The following DPH1 variants were observed in gnomAD, a reference collection of about 807,000 sequenced individuals.
DPH1 encodes the protein diphthamide biosynthesis 1.
A neutral mutation model predicts 55.3 loss-of-function variants in DPH1; 59 were observed. That is an observed-to-expected ratio of 1.07 (90% CI 0.87 to 1.33). DPH1 has a LOEUF of 1.33. Ranked by LOEUF, DPH1 falls within the 40% of genes most tolerant of loss-of-function variation. The probability of loss-of-function intolerance (pLI) is 0.00; values close to 1 mark genes in which losing one functional copy is unlikely to be tolerated. For missense variants in DPH1, 628 were observed against 584.8 expected (o/e 1.07, Z -0.76); for synonymous variants, 238 against 235.5 (o/e 1.01, Z -0.10).
At chr17:2,039,845 G>A in intron 7 of DPH1, 22 bp downstream of exon 7, 1 of 1,613,896 alleles carries the variant, frequency 6.2e-7, no homozygotes, top group South Asian at 1.1e-5. Context: ...GCCGGGCTGG[G>A]CTGACCAGCT....
In DPH1 at chr17:2,036,689, G is replaced by T; in HGVS notation, c.558+3G>T. 1.2e-6 allele frequency: 2 copies of T among 1,614,012 alleles called. No individual in the cohort carries two copies. The highest frequency in any genetic ancestry group is 1.7e-6 in the Non-Finnish European group (2 of 1,179,958). On this transcript the variant is annotated splice_donor_region_variant and intron_variant, in intron 5 of 12. Transcript: ENST00000263083. The surrounding 1 kb of genome is among the most constrained non-coding windows in gnomAD (Gnocchi z 4.8). ...TTCAGTTTGTGTCGACCTTGCAGGT[G>T]GGTGGAACGAGGATCCTCGGCCTCC...
rs770632415 is a variant in DPH1, at chr17:2,042,765, T to TG, written c.*179_*180insG. ...ACAGGCTGGGGCCTTTTGACGGCCT[T>TG]CTTGGTTTCAGCCAAGGGGCTGCGC... is the stretch of plus-strand genomic sequence containing the variant. On this transcript the variant is annotated 3_prime_UTR_variant, in exon 13 of 13. Transcript: ENST00000263083. 3.9e-5 allele frequency: 62 copies of TG among 1,608,578 alleles called. No individual in the cohort carries two copies. The highest frequency in any genetic ancestry group is 5.0e-5 in the Non-Finnish European group (59 of 1,177,810).
In DPH1 at chr17:2,039,805, C is replaced by T; in HGVS notation, c.731C>T (p.Pro244Leu). The change falls in exon 7 of 13, where the codon CCC (proline) becomes CTC (leucine). Residue 244 changes from proline to leucine, a missense_variant. Coordinates refer to ENST00000263083, the MANE Select transcript of DPH1 (RefSeq NM_001383.6). ...CTGGAGTCTGTCATGATTGCCAACC[C>T]CAATGTCCCCGCTTACCGGTATGGG... ...FHLESVMIAN[P>L]NVPAYRYDPY... 6.2e-7 allele frequency: 1 copy of T among 1,614,154 alleles called. No homozygotes were observed. Among genetic ancestry groups the T allele is most frequent in the Non-Finnish European group, 8.5e-7 (1 of 1,180,038 alleles).
At chr17:2,042,412 C>A in intron 12 of DPH1, 193 bp from the exon 13 acceptor site, 1 of 1,242,224 alleles carries the variant, frequency 8.1e-7, no homozygotes, top group Non-Finnish European at 1.1e-6. Flanking sequence ...CCCAGGCTTC[C>A]GCCTTCACCG....
At position 2,041,466 on chromosome 17, in the gene DPH1, C is replaced by T. The variant is rs948025154; in HGVS notation, c.1087-15C>T. 5 of 1,591,882 alleles carry T rather than the reference C, an allele frequency of 3.1e-6. No individual in the cohort carries two copies. In the African/African-American group the frequency reaches 4.1e-5, roughly 13 times the overall value. ...ACACTGGCAGATGTTATTGTCCCTC[C>T]CTCCCCTCCCCTAGGCGGCCGTGGC... is the stretch of plus-strand genomic sequence containing the variant. On this transcript the variant is annotated splice_polypyrimidine_tract_variant and intron_variant, in intron 10 of 12. Coordinates refer to ENST00000263083, the MANE Select transcript of DPH1 (RefSeq NM_001383.6).
chr17:2,032,148 G>A (rs1257945230), intron 1 of DPH1, among the ~76,000 whole-genome samples: 2 of 152,194 alleles, frequency 1.3e-5, no homozygotes, highest in East Asian at 3.8e-4. Context: ...TAGTATTCAT[G>A]TTTAACGGTT....
In DPH1 at chr17:2,041,226, C is replaced by G. The variant is rs770898866; in HGVS notation, c.1086+45C>G. The G allele has an allele frequency of 2.5e-6, 4 of 1,570,254 alleles. No individual in the cohort carries two copies. The Admixed American group carries it at 5.6e-5, about 22-fold the overall frequency. Reference sequence around the variant, plus strand: ...GAGAGTGGGCTTTGGACGTGGTTCTCAAAGGTGAGGTCTGGAGTGGAGTGG... The same window carrying G: ...GAGAGTGGGCTTTGGACGTGGTTCTGAAAGGTGAGGTCTGGAGTGGAGTGG... On this transcript the variant is annotated intron_variant, in intron 10 of 12. Coordinates refer to ENST00000263083, the MANE Select transcript of DPH1 (RefSeq NM_001383.6).
chr17:2,036,226 T>TG lies in DPH1; in HGVS notation c.400+136dup, dbSNP rs2151347098. Reference sequence around the variant, plus strand: ...CCCTCCTGGTTTCTGGGGTGGCCTCTGCCTTCCCGCTCTGCAGGTAGATCT... The same window carrying TG: ...CCCTCCTGGTTTCTGGGGTGGCCTCTGGCCTTCCCGCTCTGCAGGTAGATCT... On this transcript the variant is annotated intron_variant, in intron 4 of 12. Coordinates refer to ENST00000263083, the MANE Select transcript of DPH1 (RefSeq NM_001383.6). This position sits in a 1 kb window ranked among gnomAD's most constrained non-coding sequence, Gnocchi z 4.8. The TG allele has an allele frequency of 7.0e-7, 1 of 1,430,520 alleles. No individual in the cohort carries two copies. The highest frequency in any genetic ancestry group is 1.4e-5 in the African/African-American group (1 of 70,282). The allele number at this position is 1,430,520 out of a possible 1,614,324, so 88.6% of individuals were successfully genotyped here. A position where few individuals can be genotyped will look rare whatever the true frequency, so the allele number is the denominator to read the frequency against.
At chr17:2,041,728 G>A (rs1282913093) in intron 11 of DPH1, 40 bp from the exon 12 acceptor site, 2 of 1,585,860 alleles carry the variant, frequency 1.3e-6, no homozygotes, top group South Asian at 1.1e-5. Flanking sequence ...GAAACGCAGG[G>A]TCGCAGGAGC....
Position 2,042,687 on chromosome 17 carries a change from C to T in DPH1, c.*101C>T. On this transcript the variant is annotated 3_prime_UTR_variant, in exon 13 of 13. Coordinates refer to ENST00000263083, the MANE Select transcript of DPH1 (RefSeq NM_001383.6). ...ACGTTTTCTCCGCATTGGAAGAGCC[C>T]GCCGTCTGCAGGGGCCTGGAGGAAT... 3 of 1,529,692 alleles carry T rather than the reference C, an allele frequency of 2.0e-6. No individual in the cohort carries two copies. Among genetic ancestry groups the T allele is most frequent in the Non-Finnish European group, 2.6e-6 (3 of 1,142,150 alleles). 94.8% of individuals were successfully genotyped at this position (1,529,692 alleles called of 1,614,324 possible).
intron 6 of DPH1, among the ~76,000 whole-genome samples, chr17:2,038,550 G>A (rs369606065): frequency 1.3e-4 from 20 of 152,274 alleles, no homozygotes; most frequent in East Asian, 9.6e-4. Context: ...CAGATCCGCC[G>A]CGGCATTAGA....
chr17:2,042,034 C>T (rs761769398), intron 12 of DPH1, 159 bp downstream of exon 12: 1 of 1,508,170 alleles, frequency 6.6e-7, no homozygotes, highest in Non-Finnish European at 8.8e-7. Flanking sequence ...TTCCGTCGCT[C>T]CTTGCCGGGC....
chr17:2,030,271 G>T, intron 1 of DPH1, 41 bp downstream of exon 1: 1 of 1,538,638 alleles, frequency 6.5e-7, no homozygotes, highest in Non-Finnish European at 8.8e-7. Context: ...CTCGCATCTC[G>T]GGGCGGGGCC....
chr17:2,041,394 T>G (rs2067520407), intron 10 of DPH1, 87 bp from the exon 11 acceptor site: 4 of 1,538,972 alleles, frequency 2.6e-6, no homozygotes, highest in Non-Finnish European at 3.5e-6. Context: ...AGTGTGCCCT[T>G]CACAGGCCGT....
intron 1 of DPH1, among the ~76,000 whole-genome samples, chr17:2,030,812 GAGGA>G (rs1290843252): frequency 6.6e-6 from 1 of 152,222 alleles, no homozygotes; most frequent in Non-Finnish European, 1.5e-5. Flanking sequence ...CCTGTCAGAG[GAGGA>G]TCTGTAATGG....
chr17:2,030,330 C>T, intron 1 of DPH1, 100 bp downstream of exon 1: 1 of 1,357,158 alleles, frequency 7.4e-7, no homozygotes, highest in East Asian at 2.6e-5. Flanking sequence ...CGGCGCCTTT[C>T]TCCGCTAGAT....
chr17:2,038,279 C>T (rs1311682491), intron 6 of DPH1, among the ~76,000 whole-genome samples: 4 of 152,018 alleles, frequency 2.6e-5, no homozygotes, highest in South Asian at 2.1e-4. Context: ...GAGCCATGAC[C>T]GAGTCACTCA....
chr17:2,039,992 C>T lies in DPH1; in HGVS notation c.749+169C>T, dbSNP rs928835430. Among the ~76,000 whole-genome samples, 5 of 152,246 alleles carry T rather than the reference C, an allele frequency of 3.3e-5. No individual in the cohort carries two copies. In the South Asian group the frequency reaches 1.0e-3, roughly 31 times the overall value. On this transcript the variant is annotated intron_variant, in intron 7 of 12. Coordinates refer to ENST00000263083, the MANE Select transcript of DPH1 (RefSeq NM_001383.6). ...GCATTAGCCCCAGGGCTGCTGTTGCCTACCCGTCTCCTGGGGTTTACACGG... is the reference window on the plus strand; with the variant it reads ...GCATTAGCCCCAGGGCTGCTGTTGCTTACCCGTCTCCTGGGGTTTACACGG...
intron 1 of DPH1, among the ~76,000 whole-genome samples, chr17:2,032,583 C>A (rs2067345512): frequency 6.6e-6 from 1 of 152,188 alleles, no homozygotes; most frequent in East Asian, 1.9e-4. Flanking sequence ...CCAAACTCAA[C>A]TTGGGTCTTC....
Sources: allele counts gnomAD v4.1 joint callset (sites outside exome capture counted in the v4.1 genomes callset), GRCh38; gene constraint gnomAD v4.1.1; non-coding constraint Gnocchi (gnomAD v3.1); transcripts MANE v1.5; gene names NCBI Gene and HGNC (gene_info 2026-07-23, HGNC 2026-07-21).